The following STK36 variants were observed in gnomAD, a reference collection of about 807,000 sequenced individuals.
The protein encoded by STK36 is serine/threonine-protein kinase 36.
Under a neutral mutation model 142.2 loss-of-function variants are expected in STK36, and 116 were observed. The ratio of observed to expected loss-of-function variants is 0.82; its 90% confidence interval spans 0.70 to 0.95. The LOEUF is 0.95. Ranked by LOEUF, STK36 falls within the 40% of genes least tolerant of loss-of-function variation. The pLI, the probability that STK36 is intolerant of heterozygous loss-of-function variation, is 0.00. For missense variants in STK36, 1,422 were observed against 1,617.2 expected (o/e 0.88, Z 2.07); for synonymous variants, 619 against 641.7 (o/e 0.96, Z 0.53).
intron 26 of STK36, among the ~76,000 whole-genome samples, chr2:218,699,910 G>A (rs1271158321): frequency 3.3e-5 from 5 of 151,592 alleles, no homozygotes; most frequent in Non-Finnish European, 7.4e-5. Flanking sequence ...TTCCTCTTCT[G>A]CGCAACTTTC....
chr2:218,692,678 GGACTGCCC>G lies in STK36; in HGVS notation c.2018_2025del (p.Pro673LeufsTer17). 1 of 1,613,298 alleles carries G rather than the reference GGACTGCCC, an allele frequency of 6.2e-7. No homozygotes were observed. ...GGCAGCCATATGCACTGCTCCTGTG[GGACTGCCC>G]GACTGCTGGGATGCCAAGGAGCAGG... On this transcript the variant is annotated frameshift_variant, in exon 16 of 27. Transcript: ENST00000295709. LOFTEE classifies it high-confidence loss of function.
chr2:218,676,394 T>C (rs1940248003), intron 6 of STK36, 116 bp downstream of exon 6: 1 of 1,325,798 alleles, frequency 7.5e-7, no homozygotes. Context: ...GTTACTGAAT[T>C]AATGGCTGTG....
At chr2:218,686,585 C>G (rs574942983) in intron 11 of STK36, among the ~76,000 whole-genome samples, 44 of 152,270 alleles carry the variant, frequency 2.9e-4, no homozygotes, top group African/African-American at 7.9e-4. Context: ...TACAGTTAAT[C>G]ATTATTCCCC....
At chr2:218,680,142 C>A (rs1161248704) in intron 9 of STK36, 62 bp downstream of exon 9, 1 of 1,516,336 alleles carries the variant, frequency 6.6e-7, no homozygotes, top group Non-Finnish European at 9.0e-7. Flanking sequence ...TAACTCTAGC[C>A]AAAGCAAATA....
chr2:218,673,798 C>A (rs755650138), intron 3 of STK36, 33 bp downstream of exon 3: 1 of 1,613,428 alleles, frequency 6.2e-7, no homozygotes, highest in South Asian at 1.1e-5. Flanking sequence ...CCTGTCTCCC[C>A]AAGCACAAGG....
chr2:218,685,231 A>G lies in STK36; in HGVS notation c.1380+3A>G. The G allele has an allele frequency of 6.2e-7, 1 of 1,614,126 alleles. No homozygotes were observed. The highest frequency in any genetic ancestry group is 8.5e-7 in the Non-Finnish European group (1 of 1,179,998). On this transcript the variant is annotated splice_donor_region_variant and intron_variant, in intron 11 of 26. Coordinates refer to ENST00000295709, the MANE Select transcript of STK36 (RefSeq NM_015690.5). ...AGCTGCATGAAGCTGGAGGGCAGGT[A>G]ATGGGGAGAAAGACACTGTGGATGG...
chr2:218,674,862 A>G (rs1176080945), intron 4 of STK36, among the ~76,000 whole-genome samples: 1 of 152,140 alleles, frequency 6.6e-6, no homozygotes, highest in Non-Finnish European at 1.5e-5. Flanking sequence ...AGCCTCCCAA[A>G]GTGCTGGTAT....
intron 5 of STK36, 119 bp from the exon 6 acceptor site, chr2:218,675,910 C>T (rs1251753722): frequency 1.5e-6 from 2 of 1,340,778 alleles, no homozygotes; most frequent in Non-Finnish European, 2.1e-6. Flanking sequence ...GCTGGGTCTT[C>T]TGGAACCTAA....
intron 11 of STK36, among the ~76,000 whole-genome samples, chr2:218,686,804 A>G (rs1014124617): frequency 6.6e-6 from 1 of 152,240 alleles, no homozygotes; most frequent in African/African-American, 2.4e-5. Flanking sequence ...TGCTGGTCAT[A>G]TGGTAAATTT....
chr2:218,695,346 CT>C (rs1268110727), intron 21 of STK36, among the ~76,000 whole-genome samples: 2 of 150,398 alleles, frequency 1.3e-5, no homozygotes, highest in Non-Finnish European at 3.0e-5. Context: ...CTGCCTCAGC[CT>C]CCCGAGTAGC....
In STK36 at chr2:218,693,773, G is replaced by A; in HGVS notation, c.2199G>A (p.Gly733=). ...LVSEGLCRLL[G]QEPLALESLF... is the part of the protein sequence containing the mutation. ...GTGAGGGCCTGTGCCGTCTTCTGGG[G>A]CAGGAGCCCCTGGCCTTGGAATCCC... is the stretch of plus-strand genomic sequence containing the variant. The change falls in exon 18 of 27, where the codon GGG becomes GGA. Residue 733 remains glycine (G), a synonymous_variant. Coordinates refer to ENST00000295709, the MANE Select transcript of STK36 (RefSeq NM_015690.5). 4 of 1,614,112 alleles carry A rather than the reference G, an allele frequency of 2.5e-6. No individual in the cohort carries two copies. Among genetic ancestry groups the A allele is most frequent in the Non-Finnish European group, 2.5e-6 (3 of 1,180,052 alleles).
rs1476330338 is a variant in STK36 at position 218,676,141 on chromosome 2, C to A, written c.547C>A (p.Leu183Ile). Residue 183 changes from leucine (L) to isoleucine (I), a missense_variant, in exon 6 of 27, where the codon CTC becomes ATC. This residue lies in a region of STK36 where 460 missense variants were observed against 449.6 expected (regional missense o/e 1.02). Coordinates refer to ENST00000295709, the MANE Select transcript of STK36 (RefSeq NM_015690.5). ...GCGACCATACGACCACACAGCGGACCTCTGGTCTGTTGGCTGCATACTATA... is the reference window on the plus strand; with the variant it reads ...GCGACCATACGACCACACAGCGGACATCTGGTCTGTTGGCTGCATACTATA... ...EERPYDHTAD[L>I]WSVGCILYEL... 1 of 1,614,036 alleles carries A rather than the reference C, an allele frequency of 6.2e-7. No homozygotes were observed. The highest frequency in any genetic ancestry group is 8.5e-7 in the Non-Finnish European group (1 of 1,180,042).
At chr2:218,701,522 C>T (rs1575147201) in intron 26 of STK36, among the ~76,000 whole-genome samples, 1 of 152,204 alleles carries the variant, frequency 6.6e-6, no homozygotes, top group East Asian at 1.9e-4. Context: ...GGTTAGAACT[C>T]ACTGGTCTGC....
intron 4 of STK36, among the ~76,000 whole-genome samples, chr2:218,675,112 T>A (rs921262227): frequency 2.6e-5 from 4 of 152,138 alleles, no homozygotes; most frequent in Non-Finnish European, 4.4e-5. Flanking sequence ...AGTTTGCCCA[T>A]GGTCAAGCAG....
At chr2:218,677,851 C>T (rs1479625995) in intron 6 of STK36, among the ~76,000 whole-genome samples, 2 of 152,202 alleles carry the variant, frequency 1.3e-5, no homozygotes, top group Non-Finnish European at 2.9e-5. Context: ...AGTGCAGTGG[C>T]ACGATCTCGG....
At chr2:218,676,410 C>T (rs1483847731) in intron 6 of STK36, 132 bp downstream of exon 6, 4 of 1,238,944 alleles carry the variant, frequency 3.2e-6, no homozygotes, top group African/African-American at 3.0e-5. Context: ...CTGTGTTATT[C>T]TGTTCTCGCA....
Position 218,685,477 on chromosome 2 carries a change from C to G in STK36, c.1380+249C>G, listed in dbSNP as rs528238518. ...CTTTTTTGATGATAAATATTTTAGGCATTGTGAGCCACCAGGCAAAAATGG... is the reference window on the plus strand; with the variant it reads ...CTTTTTTGATGATAAATATTTTAGGGATTGTGAGCCACCAGGCAAAAATGG... On this transcript the variant is annotated intron_variant, in intron 11 of 26. Coordinates refer to ENST00000295709, the MANE Select transcript of STK36 (RefSeq NM_015690.5). Among the ~76,000 whole-genome samples the G allele has an allele frequency of 2.0e-5, 3 of 152,190 alleles. No homozygotes were observed. In the South Asian group the frequency reaches 6.2e-4, roughly 32 times the overall value.
chr2:218,681,068 A>G (rs191405497), intron 10 of STK36, among the ~76,000 whole-genome samples: 1 of 150,606 alleles, frequency 6.6e-6, no homozygotes, highest in African/African-American at 2.4e-5. Flanking sequence ...TTTACATCAT[A>G]CCTCCTTCAC....
At chr2:218,679,351 C>T in intron 7 of STK36, 90 bp downstream of exon 7, 5 of 1,385,394 alleles carry the variant, frequency 3.6e-6, no homozygotes, top group Non-Finnish European at 5.1e-6. Flanking sequence ...CTAGATATAA[C>T]ATGTCGTCTT....
Sources: allele counts gnomAD v4.1 joint callset (sites outside exome capture counted in the v4.1 genomes callset), GRCh38; gene constraint gnomAD v4.1.1; regional missense constraint gnomAD v4.1.1; transcripts MANE v1.5; gene names NCBI Gene and HGNC (gene_info 2026-07-23, HGNC 2026-07-21).